Variants in SCFD2 observed in about 807,000 individuals in gnomAD.
SCFD2 encodes sec1 family domain containing 2, also known as sec1 family domain-containing protein 2.
In SCFD2, 54 loss-of-function variants were observed where a neutral mutation model predicts 58.9. That is an observed-to-expected ratio of 0.92 (90% CI 0.74 to 1.15). SCFD2 has a LOEUF of 1.15. SCFD2 is among the 50% of genes most tolerant of loss of function. SCFD2 has a pLI of 0.00. For synonymous variants in SCFD2, 321 were observed against 335.9 expected, an observed-to-expected ratio of 0.96 and a Z score of 0.49; for missense variants, 805 against 836.6, an observed-to-expected ratio of 0.96 and a Z score of 0.47.
chr4:53,033,718 G>GA (rs942697134), intron 5 of SCFD2, among the ~76,000 whole-genome samples: 5 of 152,078 alleles, frequency 3.3e-5, no homozygotes, highest in African/African-American at 1.2e-4. Context: ...AGAAAATCTA[G>GA]AAAAAATGGA....
At chr4:53,035,919 G>A (rs80148771) in intron 5 of SCFD2, among the ~76,000 whole-genome samples, 47 of 152,212 alleles carry the variant, frequency 3.1e-4, no homozygotes, top group African/African-American at 9.9e-4. Context: ...ACAGTGTGGC[G>A]ATTCCTCAAG....
rs558007957 is a variant in SCFD2, at chr4:52,971,711, T to G, written c.1562-50841A>C. Among the ~76,000 whole-genome samples, 7 of 152,190 alleles carry G rather than the reference T, an allele frequency of 4.6e-5. No individual in the cohort carries two copies. The South Asian group carries it at 1.5e-3, about 32-fold the overall frequency. ...AGAAGAGCAACTCCAAGACACATAA[T>G]TGTCAGATTCACCAAAGTTGAAATG... On this transcript the variant is annotated intron_variant, in intron 5 of 8. Transcript: ENST00000401642.
intron 5 of SCFD2, among the ~76,000 whole-genome samples, chr4:53,046,832 T>C (rs1380311980): frequency 2.0e-5 from 3 of 152,064 alleles, no homozygotes; most frequent in Non-Finnish European, 4.4e-5. Flanking sequence ...CACATCCAGC[T>C]AATTTTCTTT....
chr4:53,056,727 C>T (rs952093350), intron 5 of SCFD2, among the ~76,000 whole-genome samples: 14 of 152,080 alleles, frequency 9.2e-5, no homozygotes, highest in Non-Finnish European at 1.5e-4. Flanking sequence ...ACTTATGTTT[C>T]GACATCCCCC....
At chr4:53,138,047 A>G (rs1403816387) in intron 5 of SCFD2, among the ~76,000 whole-genome samples, 1 of 152,174 alleles carries the variant, frequency 6.6e-6, no homozygotes, top group Non-Finnish European at 1.5e-5. Flanking sequence ...CTCATTGTCT[A>G]TGCACATGAT....
intron 4 of SCFD2, among the ~76,000 whole-genome samples, chr4:53,273,377 G>A (rs1731231866): frequency 6.6e-6 from 1 of 152,060 alleles, no homozygotes; most frequent in South Asian, 2.1e-4. Context: ...TACAAATGGA[G>A]ATCACTTCCT....
intron 4 of SCFD2, among the ~76,000 whole-genome samples, chr4:53,185,527 C>T (rs6840571): frequency 0.27 from 41,621 of 151,836 alleles, 6,293 homozygotes; most frequent in Non-Finnish European, 0.35. Context: ...GACTGTTGTT[C>T]CCTGGCAGGG....
At chr4:53,200,318 C>T (rs1456099799) in intron 4 of SCFD2, among the ~76,000 whole-genome samples, 1 of 151,872 alleles carries the variant, frequency 6.6e-6, no homozygotes, top group Non-Finnish European at 1.5e-5. Flanking sequence ...TAAACAACAG[C>T]CTCTCCTATT....
At chr4:53,087,283 C>T (rs1318059510) in intron 5 of SCFD2, among the ~76,000 whole-genome samples, 1 of 152,162 alleles carries the variant, frequency 6.6e-6, no homozygotes, top group Non-Finnish European at 1.5e-5. Flanking sequence ...AGAACTTCTA[C>T]AAAACATAGA....
rs554974808 is a variant in SCFD2, at chr4:53,197,417, T to A, written c.1312-51835A>T. On this transcript the variant is annotated intron_variant, in intron 4 of 8. Coordinates refer to ENST00000401642, the MANE Select transcript of SCFD2 (RefSeq NM_152540.4). The stretch of plus-strand genomic sequence containing the variant: ...ACATCATGCTCACACTTAAAAGGAC[T>A]CCAGGTCAGCCCAAAAGAGGAAAAA... Among the ~76,000 whole-genome samples the A allele has an allele frequency of 8.2e-3, 1,241 of 152,078 alleles. 16 individuals are homozygous for A. The highest frequency in any genetic ancestry group is 0.028 in the African/African-American group (1,167 of 41,508).
chr4:53,194,340 C>T (rs879206942), intron 4 of SCFD2, among the ~76,000 whole-genome samples: 2 of 152,090 alleles, frequency 1.3e-5, no homozygotes, highest in Admixed American at 1.3e-4. Flanking sequence ...TTCTTTTGGT[C>T]AATGCTTATT....
chr4:53,144,170 G>A (rs1726248682), intron 5 of SCFD2, among the ~76,000 whole-genome samples: 1 of 151,676 alleles, frequency 6.6e-6, no homozygotes, highest in African/African-American at 2.4e-5. Context: ...TATAAGGCTG[G>A]GCATGGTGGT....
At chr4:53,346,840 TC>T (rs1485808951) in intron 2 of SCFD2, among the ~76,000 whole-genome samples, 1 of 152,226 alleles carries the variant, frequency 6.6e-6, no homozygotes, top group Non-Finnish European at 1.5e-5. Context: ...ACAACAACTT[TC>T]TTTCCTAGAA....
intron 4 of SCFD2, among the ~76,000 whole-genome samples, chr4:53,251,807 C>T (rs1433577736): frequency 6.6e-6 from 1 of 151,702 alleles, no homozygotes; most frequent in South Asian, 2.1e-4. Context: ...AGAAGCATTC[C>T]CTTTGAAAAC....
At chr4:53,248,143 G>T (rs962287802) in intron 4 of SCFD2, among the ~76,000 whole-genome samples, 3 of 152,186 alleles carry the variant, frequency 2.0e-5, no homozygotes, top group Non-Finnish European at 4.4e-5. Flanking sequence ...TCCCTTTCTT[G>T]GTCAAGGAAA....
At chr4:52,993,704 T>C (rs1486934648) in intron 5 of SCFD2, among the ~76,000 whole-genome samples, 2 of 152,250 alleles carry the variant, frequency 1.3e-5, no homozygotes, top group Non-Finnish European at 2.9e-5. Flanking sequence ...TATTGCTGGA[T>C]TTCCACTCCA....
chr4:53,082,942 C>A (rs1366040953), intron 5 of SCFD2, among the ~76,000 whole-genome samples: 1 of 149,314 alleles, frequency 6.7e-6, no homozygotes, highest in Non-Finnish European at 1.5e-5. Flanking sequence ...TCTATAATCA[C>A]ATAAGCCAAT....
intron 5 of SCFD2, among the ~76,000 whole-genome samples, chr4:53,012,812 T>TTC (rs1386133262): frequency 4.3e-5 from 5 of 115,920 alleles, no homozygotes; most frequent in East Asian, 2.8e-4. Context: ...CTCCCCTCCT[T>TTC]TCTGTGTGTG....
At chr4:53,138,299 G>A (rs1156967817) in intron 5 of SCFD2, among the ~76,000 whole-genome samples, 2 of 152,156 alleles carry the variant, frequency 1.3e-5, no homozygotes, top group Non-Finnish European at 2.9e-5. Flanking sequence ...GCAGAGCCCA[G>A]ACTTTTAAAT....
Sources: gnomAD v4.1 joint callset for allele counts (sites outside exome capture counted in the v4.1 genomes callset) on GRCh38, gnomAD v4.1.1 for gene constraint, MANE v1.5 for transcripts, NCBI Gene and HGNC (gene_info 2026-07-23, HGNC 2026-07-21) for gene names.